CSMD1: variants seen among roughly 807,000 people sequenced by gnomAD.
CSMD1 encodes CUB and sushi domain-containing protein 1.
Under a neutral mutation model 417.5 loss-of-function variants are expected in CSMD1, and 213 were observed. That is an observed-to-expected ratio of 0.51 (90% CI 0.46 to 0.57). The LOEUF (loss-of-function observed/expected upper bound fraction) is 0.57. Ranked by LOEUF, CSMD1 falls within the 20% of genes least tolerant of loss-of-function variation. The pLI, the probability that CSMD1 is intolerant of heterozygous loss-of-function variation, is 0.00. For missense variants in CSMD1, 6,923 were observed against 4,529.7 expected (o/e 1.53, Z -15.17); for synonymous variants, 2,862 against 1,736.8 (o/e 1.65, Z -16.11).
chr8:4,680,362 C>T (rs1405998616), intron 1 of CSMD1, among the ~76,000 whole-genome samples: 3 of 152,160 alleles, frequency 2.0e-5, no homozygotes, highest in Admixed American at 2.0e-4. Context: ...TCGTATCTTT[C>T]CCTACTAATG....
chr8:4,508,409 T>G (rs1802644861), intron 2 of CSMD1, among the ~76,000 whole-genome samples: 1 of 152,162 alleles, frequency 6.6e-6, no homozygotes, highest in South Asian at 2.1e-4. Flanking sequence ...ATACATAATC[T>G]TTGCCATGCT....
At chr8:4,628,302 C>G (rs1802242248) in intron 2 of CSMD1, among the ~76,000 whole-genome samples, 1 of 150,280 alleles carries the variant, frequency 6.7e-6, no homozygotes, top group African/African-American at 2.4e-5. Context: ...TGTCATTTGC[C>G]TTTTGAGTAT....
intron 55 of CSMD1, among the ~76,000 whole-genome samples, chr8:2,977,480 G>A (rs747865009): frequency 2.6e-5 from 4 of 152,132 alleles, no homozygotes; most frequent in African/African-American, 4.8e-5. Context: ...TATGTACCAC[G>A]TTTTCTTTAT....
chr8:3,824,404 A>C (rs1801929893), intron 5 of CSMD1, among the ~76,000 whole-genome samples: 1 of 152,208 alleles, frequency 6.6e-6, no homozygotes, highest in African/African-American at 2.4e-5. Flanking sequence ...CAAAGCTCCC[A>C]ATGGGAAAGA....
chr8:4,609,127 C>A (rs919248611), intron 2 of CSMD1, among the ~76,000 whole-genome samples: 3 of 152,152 alleles, frequency 2.0e-5, no homozygotes, highest in African/African-American at 7.2e-5. Flanking sequence ...TCGCCAGATG[C>A]GCTGGCTCAT....
intron 2 of CSMD1, among the ~76,000 whole-genome samples, chr8:4,520,456 G>C (rs1803381204): frequency 1.3e-5 from 2 of 152,170 alleles, no homozygotes; most frequent in East Asian, 3.9e-4. Flanking sequence ...TAGGAAATTT[G>C]GATCTTAATA....
At chr8:4,093,418 G>T (rs936519009) in intron 3 of CSMD1, among the ~76,000 whole-genome samples, 18 of 152,108 alleles carry the variant, frequency 1.2e-4, no homozygotes, top group Admixed American at 8.5e-4. Context: ...CAACAGAGGT[G>T]TACAATTTTT....
At chr8:4,780,442 TAC>T (rs1797096197) in intron 1 of CSMD1, among the ~76,000 whole-genome samples, 1 of 152,232 alleles carries the variant, frequency 6.6e-6, no homozygotes, top group African/African-American at 2.4e-5. Flanking sequence ...TCTGTCTACC[TAC>T]CTACCTACCT....
At chr8:3,857,016 C>A (rs921703931) in intron 5 of CSMD1, among the ~76,000 whole-genome samples, 7 of 151,824 alleles carry the variant, frequency 4.6e-5, no homozygotes, top group Non-Finnish European at 8.8e-5. Flanking sequence ...AATGGCATGG[C>A]AATGATTAGA....
intron 3 of CSMD1, among the ~76,000 whole-genome samples, chr8:4,162,913 T>G (rs773339083): frequency 1.4e-4 from 22 of 152,180 alleles, no homozygotes; most frequent in Non-Finnish European, 2.2e-4. Flanking sequence ...CCTCCAACCC[T>G]TTGCAACCAC....
chr8:3,141,862 A>C (rs1585458250), intron 41 of CSMD1, among the ~76,000 whole-genome samples: 1 of 145,706 alleles, frequency 6.9e-6, no homozygotes, highest in Non-Finnish European at 1.5e-5. Flanking sequence ...CAGTGGCGCG[A>C]TCTCTCCTCA....
intron 2 of CSMD1, among the ~76,000 whole-genome samples, chr8:4,612,204 C>T (rs1801215140): frequency 1.3e-5 from 2 of 152,248 alleles, no homozygotes; most frequent in Admixed American, 6.5e-5. Flanking sequence ...GCTGCAGGCA[C>T]ACTGCCTTCA....
chr8:4,179,599 G>A (rs1050107982), intron 3 of CSMD1, among the ~76,000 whole-genome samples: 3 of 151,910 alleles, frequency 2.0e-5, no homozygotes, highest in South Asian at 2.1e-4. Context: ...AAACTATAGA[G>A]CTTCTGCACA....
At chr8:4,680,971 T>TGAGA (rs1418512562) in intron 1 of CSMD1, among the ~76,000 whole-genome samples, 1 of 122,208 alleles carries the variant, frequency 8.2e-6, no homozygotes, top group Admixed American at 9.3e-5. Context: ...TGTGTGTGTG[T>TGAGA]GTGTGAGAGA....
At chr8:3,397,431 C>A (rs1811770651) in intron 16 of CSMD1, among the ~76,000 whole-genome samples, 1 of 152,154 alleles carries the variant, frequency 6.6e-6, no homozygotes, top group Non-Finnish European at 1.5e-5. Context: ...CTGATTAGTG[C>A]AAATGCACAT....
At chr8:4,192,125 C>G (rs997678228) in intron 3 of CSMD1, among the ~76,000 whole-genome samples, 1 of 152,092 alleles carries the variant, frequency 6.6e-6, no homozygotes, top group Admixed American at 6.5e-5. Context: ...ATCTGCATTG[C>G]AAATATGACG....
intron 1 of CSMD1, among the ~76,000 whole-genome samples, chr8:4,764,891 A>AC (rs1288200660): frequency 3.4e-4 from 12 of 35,350 alleles, no homozygotes; most frequent in African/African-American, 1.6e-3. Context: ...AAAAAAAAAA[A>AC]AAACAACAAC....
In CSMD1 at chr8:4,172,463, G is replaced by C. The variant is rs181213587; in HGVS notation, c.416-140364C>G. ...GTTTCCCAGGTGTTGTGTTACAACA[G>C]ACACTATCTTATTCACATGACAATT... On this transcript the variant is annotated intron_variant, in intron 3 of 69. Coordinates refer to ENST00000635120, the MANE Select transcript of CSMD1 (RefSeq NM_033225.6). Among the ~76,000 whole-genome samples, 26 of 152,100 alleles carry C rather than the reference G, an allele frequency of 1.7e-4. No homozygotes were observed. The East Asian group carries it at 3.7e-3, about 21-fold the overall frequency.
chr8:4,050,952 C>T (rs1241480343), intron 3 of CSMD1, among the ~76,000 whole-genome samples: 1 of 152,002 alleles, frequency 6.6e-6, no homozygotes, highest in Non-Finnish European at 1.5e-5. Flanking sequence ...TAAGGTCTCA[C>T]TTGGTTGGAG....
Sources: allele counts gnomAD v4.1 joint callset (sites outside exome capture counted in the v4.1 genomes callset), GRCh38; gene constraint gnomAD v4.1.1; transcripts MANE v1.5; gene names NCBI Gene and HGNC (gene_info 2026-07-23, HGNC 2026-07-21).